BABAM2: variants seen among roughly 807,000 people sequenced by gnomAD.
BABAM2 encodes the protein BRISC and BRCA1 A complex member 2, also known as BRISC and BRCA1-A complex member 2.
Under a neutral mutation model 54.7 loss-of-function variants are expected in BABAM2, and 31 were observed. The observed-to-expected ratio is 0.57, with a 90% confidence interval of 0.43 to 0.77. The LOEUF (loss-of-function observed/expected upper bound fraction) is 0.77, where lower values mean the gene tolerates loss of function less well. Ranked by LOEUF, BABAM2 falls within the 30% of genes least tolerant of loss-of-function variation. The pLI, the probability that BABAM2 is intolerant of heterozygous loss-of-function variation, is 0.00. For missense variants in BABAM2, 364 were observed against 455.8 expected (o/e 0.80, Z 1.83); for synonymous variants, 167 against 162.9 (o/e 1.03, Z -0.19).
intron 3 of BABAM2, among the ~76,000 whole-genome samples, chr2:27,981,765 G>A (rs1042023631): frequency 6.6e-6 from 1 of 152,024 alleles, no homozygotes; most frequent in African/African-American, 2.4e-5. Context: ...ATCAGTTGAC[G>A]GACATTAGTT....
At chr2:28,155,570 T>A (rs1409235161) in intron 7 of BABAM2, among the ~76,000 whole-genome samples, 1 of 152,140 alleles carries the variant, frequency 6.6e-6, no homozygotes, top group Non-Finnish European at 1.5e-5. Context: ...GTAAAAGTGC[T>A]TAGGAAAAAT....
chr2:28,079,415 A>G (rs1167277514), intron 6 of BABAM2, among the ~76,000 whole-genome samples: 1 of 152,196 alleles, frequency 6.6e-6, no homozygotes, highest in Admixed American at 6.5e-5. Context: ...CTCCAATGAC[A>G]GTGTTTATTT....
At chr2:27,890,105 G>T, upstream of BABAM2, 1 of 624,596 alleles carries the variant, frequency 1.6e-6, no homozygotes, top group Non-Finnish European at 2.8e-6. The surrounding 1 kb of genome is among the most constrained non-coding windows in gnomAD (Gnocchi z 4.8). Flanking sequence ...TGCCAGGAAG[G>T]TAGGCTGAAG....
chr2:28,109,091 A>G (rs779823467), intron 6 of BABAM2, among the ~76,000 whole-genome samples: 1 of 152,068 alleles, frequency 6.6e-6, no homozygotes, highest in Non-Finnish European at 1.5e-5. Flanking sequence ...AGTAGCCACT[A>G]CAGCTGACCA....
Position 28,093,480 on chromosome 2 carries a change from G to C in BABAM2, c.571-35791G>C, listed in dbSNP as rs573070058. On this transcript the variant is annotated intron_variant, in intron 6 of 11. Coordinates refer to ENST00000379624, the MANE Select transcript of BABAM2 (RefSeq NM_199191.3). Reference sequence around the variant, plus strand: ...CACTTGCCTTTTTTGGGTGAAGACAGCATGTCATCAGCATAATGTCAGCAC... The same window carrying C: ...CACTTGCCTTTTTTGGGTGAAGACACCATGTCATCAGCATAATGTCAGCAC... 3.3e-5 allele frequency among the ~76,000 whole-genome samples: 5 copies of C among 152,230 alleles called. No individual in the cohort carries two copies. The East Asian group carries it at 9.7e-4, about 29-fold the overall frequency.
chr2:28,100,610 A>G (rs1250840840), intron 6 of BABAM2, among the ~76,000 whole-genome samples: 1 of 152,168 alleles, frequency 6.6e-6, no homozygotes, highest in African/African-American at 2.4e-5. Context: ...AACTCAATAA[A>G]TGATTTCAGT....
intron 6 of BABAM2, among the ~76,000 whole-genome samples, chr2:28,062,574 C>A (rs74397562): frequency 0.058 from 4,640 of 80,694 alleles, 220 homozygotes; most frequent in African/African-American, 0.15. Context: ...AAAAAAAAAA[C>A]CAAAAAAAAA....
intron 5 of BABAM2, among the ~76,000 whole-genome samples, chr2:28,028,227 A>C (rs969701756): frequency 1.3e-5 from 2 of 152,154 alleles, no homozygotes; most frequent in Admixed American, 6.5e-5. Flanking sequence ...GCCTCTCTAC[A>C]GGGCAGTGCA....
At chr2:27,918,248 C>A (rs1667118873) in intron 2 of BABAM2, among the ~76,000 whole-genome samples, 1 of 152,192 alleles carries the variant, frequency 6.6e-6, no homozygotes, top group African/African-American at 2.4e-5. Context: ...TTCCCTCTCT[C>A]CTCAGCCCCT....
At chr2:27,957,239 A>G (rs1233746197) in intron 3 of BABAM2, among the ~76,000 whole-genome samples, 1 of 152,220 alleles carries the variant, frequency 6.6e-6, no homozygotes, top group Non-Finnish European at 1.5e-5. Context: ...TCCTGTAGAA[A>G]GAAAAGGATC....
intron 3 of BABAM2, among the ~76,000 whole-genome samples, chr2:27,985,200 A>G (rs1430540413): frequency 6.6e-6 from 1 of 151,888 alleles, no homozygotes; most frequent in Non-Finnish European, 1.5e-5. Context: ...GTGTGCAAGT[A>G]TCTTTTTTGT....
At chr2:27,928,376 C>G (rs757623266) in intron 2 of BABAM2, among the ~76,000 whole-genome samples, 8 of 151,982 alleles carry the variant, frequency 5.3e-5, no homozygotes, top group Non-Finnish European at 8.8e-5. Flanking sequence ...TCTTGAACTC[C>G]TGACCTCCAG....
chr2:27,910,671 A>G (rs1033142333), intron 2 of BABAM2, among the ~76,000 whole-genome samples: 2 of 152,176 alleles, frequency 1.3e-5, no homozygotes, highest in African/African-American at 4.8e-5. Flanking sequence ...TGGAATTTAT[A>G]CTGCACAAAA....
chr2:28,227,330 T>C (rs1680979038), intron 7 of BABAM2, among the ~76,000 whole-genome samples: 1 of 152,186 alleles, frequency 6.6e-6, no homozygotes, highest in Admixed American at 6.5e-5. Context: ...ATATGAAATA[T>C]GCCTTTCTCA....
chr2:28,101,369 T>C (rs1278290629), intron 6 of BABAM2, among the ~76,000 whole-genome samples: 1 of 152,206 alleles, frequency 6.6e-6, no homozygotes, highest in African/African-American at 2.4e-5. Context: ...GATCTGGTTT[T>C]ACCATATTTG....
At chr2:28,234,663 C>T (rs1426427711) in intron 7 of BABAM2, among the ~76,000 whole-genome samples, 2 of 152,170 alleles carry the variant, frequency 1.3e-5, no homozygotes, top group Admixed American at 6.5e-5. Context: ...TTGGATCTTG[C>T]CATTCTGTAT....
At chr2:28,078,478 A>G (rs763088876) in intron 6 of BABAM2, among the ~76,000 whole-genome samples, 3 of 152,162 alleles carry the variant, frequency 2.0e-5, no homozygotes, top group Non-Finnish European at 2.9e-5. Flanking sequence ...GCTAAGCTTT[A>G]CAGTAAGAAT....
At chr2:28,160,668 G>A (rs1292309682) in intron 7 of BABAM2, among the ~76,000 whole-genome samples, 1 of 149,574 alleles carries the variant, frequency 6.7e-6, no homozygotes, top group Admixed American at 6.7e-5. Flanking sequence ...TCTAGCATGT[G>A]CAAATACTGC....
intron 7 of BABAM2, among the ~76,000 whole-genome samples, chr2:28,182,554 G>T (rs921368081): frequency 1.3e-5 from 2 of 152,146 alleles, no homozygotes; most frequent in African/African-American, 4.8e-5. Flanking sequence ...TAGTGGCAGT[G>T]GTAGGACTAC....
Sources: allele counts gnomAD v4.1 joint callset (sites outside exome capture counted in the v4.1 genomes callset), GRCh38; gene constraint gnomAD v4.1.1; non-coding constraint Gnocchi (gnomAD v3.1); transcripts MANE v1.5; gene names NCBI Gene and HGNC (gene_info 2026-07-23, HGNC 2026-07-21).